Variants in CSMD2 observed in about 807,000 individuals in gnomAD.
CSMD2 encodes the protein CUB and sushi domain-containing protein 2.
CSMD2 carries 130 observed loss-of-function variants against 398.5 expected under a neutral mutation model. That is an observed-to-expected ratio of 0.33 (90% CI 0.28 to 0.38). The LOEUF is 0.38. Ranked by LOEUF, CSMD2 falls within the 10% of genes least tolerant of loss-of-function variation. The pLI is 1.00. For synonymous variants in CSMD2, 1,828 were observed against 1,908.5 expected (o/e 0.96, Z 1.10); for missense variants, 3,829 against 4,764.9 (o/e 0.80, Z 5.78).
intron 3 of CSMD2, among the ~76,000 whole-genome samples, chr1:33,956,349 C>T (rs1645167550): frequency 1.3e-5 from 2 of 152,150 alleles, no homozygotes; most frequent in Admixed American, 6.5e-5. Context: ...CCCTGGCAAC[C>T]ACCAGTCTAC....
chr1:34,158,073 G>A (rs1237813851), intron 1 of CSMD2, among the ~76,000 whole-genome samples: 1 of 152,182 alleles, frequency 6.6e-6, no homozygotes, highest in African/African-American at 2.4e-5. Context: ...CAGTCCAGGA[G>A]ATTGAGCTCT....
At chr1:33,692,417 AG>A (rs1432967520) in intron 25 of CSMD2, among the ~76,000 whole-genome samples, 2 of 152,246 alleles carry the variant, frequency 1.3e-5, no homozygotes, top group Non-Finnish European at 2.9e-5. Context: ...GCAATCTGCC[AG>A]GGGCCATACA....
At chr1:34,077,803 C>A (rs920429783) in intron 2 of CSMD2, among the ~76,000 whole-genome samples, 3 of 148,160 alleles carry the variant, frequency 2.0e-5, no homozygotes, top group Non-Finnish European at 4.4e-5. Flanking sequence ...GTTTGGGAGG[C>A]AGTGAGGGTT....
intron 10 of CSMD2, among the ~76,000 whole-genome samples, chr1:33,802,503 C>G (rs1305753854): frequency 2.0e-5 from 3 of 152,184 alleles, no homozygotes; most frequent in Non-Finnish European, 4.4e-5. Context: ...TTCTCATTGC[C>G]CTTGGAGGGC....
intron 49 of CSMD2, among the ~76,000 whole-genome samples, chr1:33,575,117 C>T (rs1273011252): frequency 6.6e-6 from 1 of 152,178 alleles, no homozygotes. Flanking sequence ...GTAAGAGGGA[C>T]ACTTCCTGTG....
At chr1:34,033,729 G>A (rs747498698) in intron 2 of CSMD2, among the ~76,000 whole-genome samples, 3 of 152,140 alleles carry the variant, frequency 2.0e-5, no homozygotes, top group East Asian at 1.9e-4. Flanking sequence ...TGAAATATCC[G>A]TGGTTCTCCT....
intron 3 of CSMD2, among the ~76,000 whole-genome samples, chr1:33,951,724 T>C (rs902109625): frequency 6.6e-6 from 1 of 152,154 alleles, no homozygotes; most frequent in African/African-American, 2.4e-5. Flanking sequence ...ACTGTCTACT[T>C]CTTAGCAAGA....
intron 25 of CSMD2, among the ~76,000 whole-genome samples, chr1:33,682,265 G>T (rs1644931969): frequency 6.6e-6 from 1 of 152,136 alleles, no homozygotes; most frequent in East Asian, 1.9e-4. Flanking sequence ...GGCATCTAGG[G>T]TTCACCCAGA....
At chr1:33,731,740 A>C (rs1436684556) in intron 15 of CSMD2, among the ~76,000 whole-genome samples, 1 of 152,246 alleles carries the variant, frequency 6.6e-6, no homozygotes. Context: ...ACTTAAAAAT[A>C]CTATCAAAGA....
intron 6 of CSMD2, among the ~76,000 whole-genome samples, chr1:33,831,193 C>A (rs2125035269): frequency 6.6e-6 from 1 of 152,014 alleles, no homozygotes; most frequent in South Asian, 2.1e-4. Flanking sequence ...AAGAGCAACT[C>A]TAAGACACAT....
At chr1:33,580,088 T>A (rs1448819870) in intron 48 of CSMD2, among the ~76,000 whole-genome samples, 1 of 151,874 alleles carries the variant, frequency 6.6e-6, no homozygotes, top group Admixed American at 6.5e-5. Flanking sequence ...GAACCCCCCA[T>A]GGTCTTAAGT....
At chr1:33,907,290 T>TA (rs1348171545) in intron 5 of CSMD2, among the ~76,000 whole-genome samples, 1 of 151,568 alleles carries the variant, frequency 6.6e-6, no homozygotes, top group African/African-American at 2.4e-5. Context: ...AGCTAATTTT[T>TA]TTTTTTTTTT....
At chr1:33,648,137 C>A (rs188334516) in intron 28 of CSMD2, among the ~76,000 whole-genome samples, 3 of 151,994 alleles carry the variant, frequency 2.0e-5, no homozygotes, top group African/African-American at 7.2e-5. Context: ...CTGAGGTGGG[C>A]GGATCACAAG....
chr1:34,035,752 C>T (rs1236807561), intron 2 of CSMD2, among the ~76,000 whole-genome samples: 1 of 136,200 alleles, frequency 7.3e-6, no homozygotes, highest in Non-Finnish European at 1.6e-5. Context: ...AAAAAAAAAA[C>T]AGTAGCTGAC....
chr1:33,991,365 A>AC (rs1427523826), intron 3 of CSMD2, among the ~76,000 whole-genome samples: 4 of 152,158 alleles, frequency 2.6e-5, no homozygotes, highest in African/African-American at 9.7e-5. Flanking sequence ...CTCCTGATAC[A>AC]CAGTCCTTGA....
chr1:33,862,341 C>CCCTGTGTGTGTG (rs1639581576), intron 5 of CSMD2: 2 of 60,644 alleles, frequency 3.3e-5, no homozygotes, highest in Non-Finnish European at 7.9e-5. Context: ...AGATAAGCTA[C>CCCTGTGTGTGTG]TCTGTGTGTG....
intron 25 of CSMD2, among the ~76,000 whole-genome samples, chr1:33,680,918 C>CTTTTGTTT (rs1644888043): frequency 1.3e-5 from 1 of 75,932 alleles, no homozygotes; most frequent in Non-Finnish European, 2.2e-5. Flanking sequence ...CTGTTTTATG[C>CTTTTGTTT]TTTTTTTTTT....
At chr1:33,966,060 G>C (rs1645545222) in intron 3 of CSMD2, among the ~76,000 whole-genome samples, 1 of 152,204 alleles carries the variant, frequency 6.6e-6, no homozygotes, top group South Asian at 2.1e-4. Flanking sequence ...GCTCTGGGGA[G>C]ACAAGGGAGA....
intron 29 of CSMD2, among the ~76,000 whole-genome samples, chr1:33,645,366 C>G (rs1476610596): frequency 6.6e-6 from 1 of 150,792 alleles, no homozygotes; most frequent in Admixed American, 6.6e-5. Flanking sequence ...CACACACACA[C>G]ACACACACAC....
Sources: allele counts gnomAD v4.1 joint callset (sites outside exome capture counted in the v4.1 genomes callset), GRCh38; gene constraint gnomAD v4.1.1; transcripts MANE v1.5; gene names NCBI Gene and HGNC (gene_info 2026-07-23, HGNC 2026-07-21).